Variants in PIKFYVE observed in about 807,000 individuals in gnomAD.
PIKFYVE encodes phosphoinositide kinase, FYVE-type zinc finger containing, also known as 1-phosphatidylinositol 3-phosphate 5-kinase.
PIKFYVE carries 122 observed loss-of-function variants against 257.9 expected under a neutral mutation model. The observed-to-expected ratio is 0.47, with a 90% CI of 0.41 to 0.55. The LOEUF (loss-of-function observed/expected upper bound fraction) is 0.55. Among genes scored for constraint, PIKFYVE ranks in the 20% least tolerant of loss-of-function variants. The pLI, the probability that PIKFYVE is intolerant of heterozygous loss-of-function variation, is 0.00. For synonymous variants in PIKFYVE, 892 were observed against 868.9 expected, an observed-to-expected ratio of 1.03 and a Z score of -0.47; for missense variants, 2,160 against 2,536.6, an observed-to-expected ratio of 0.85 and a Z score of 3.19.
intron 23 of PIKFYVE, among the ~76,000 whole-genome samples, chr2:208,331,711 C>A (rs918806581): frequency 6.6e-6 from 1 of 152,100 alleles, no homozygotes; most frequent in African/African-American, 2.4e-5. Flanking sequence ...TTTTGGAAGG[C>A]ACATATGGGA....
At position 208,355,424 on chromosome 2, in the gene PIKFYVE, A is replaced by T. The variant is rs1297372856; in HGVS notation, c.*119A>T. ...TCACCACTGTATGCCAAGGCTTTTCAGTTCTGTGGCTGTTTAGACTGTCCG... is the reference window on the plus strand; with the variant it reads ...TCACCACTGTATGCCAAGGCTTTTCTGTTCTGTGGCTGTTTAGACTGTCCG... On this transcript the variant is annotated 3_prime_UTR_variant, in exon 42 of 42. Coordinates refer to ENST00000264380, the MANE Select transcript of PIKFYVE (RefSeq NM_015040.4). 2 of 816,144 alleles carry T rather than the reference A, an allele frequency of 2.5e-6. No homozygotes were observed. Among genetic ancestry groups the T allele is most frequent in the Admixed American group, 4.4e-5 (2 of 45,130 alleles). 50.6% of individuals were successfully genotyped at this position (816,144 alleles called of 1,614,324 possible). A position where few individuals can be genotyped will look rare whatever the true frequency, so the allele number is the denominator to read the frequency against.
In PIKFYVE at chr2:208,355,423, C is replaced by G; in HGVS notation, c.*118C>G. Reference sequence around the variant, plus strand: ...TTCACCACTGTATGCCAAGGCTTTTCAGTTCTGTGGCTGTTTAGACTGTCC... The same window carrying G: ...TTCACCACTGTATGCCAAGGCTTTTGAGTTCTGTGGCTGTTTAGACTGTCC... On this transcript the variant is annotated 3_prime_UTR_variant, in exon 42 of 42. Coordinates refer to ENST00000264380, the MANE Select transcript of PIKFYVE (RefSeq NM_015040.4). The G allele has an allele frequency of 1.2e-6, 1 of 820,028 alleles. No individual in the cohort carries two copies. The highest frequency in any genetic ancestry group is 1.6e-5 in the South Asian group (1 of 62,702). The allele number at this position is 820,028 out of a possible 1,614,324, so 50.8% of individuals were successfully genotyped here.
At chr2:208,332,152 A>G (rs1011236513) in intron 23 of PIKFYVE, among the ~76,000 whole-genome samples, 2 of 152,232 alleles carry the variant, frequency 1.3e-5, no homozygotes, top group African/African-American at 4.8e-5. Flanking sequence ...GATAATAGAA[A>G]AATGGGCAGA....
chr2:208,334,280 C>T (rs1028318060), intron 24 of PIKFYVE: 1 of 152,550 alleles, frequency 6.6e-6, no homozygotes, highest in African/African-American at 2.4e-5. Flanking sequence ...ACACAGCAGT[C>T]AGAGTGGTTC....
chr2:208,326,480 G>A, intron 20 of PIKFYVE, 51 bp downstream of exon 20: 1 of 1,577,004 alleles, frequency 6.3e-7, no homozygotes, highest in Non-Finnish European at 8.7e-7. Context: ...TGTGTTGAAT[G>A]ACTCCTCAAA....
rs372904804 is a variant in PIKFYVE at position 208,299,130 on chromosome 2, C to T, written c.1050+351C>T. ...CTGGGATTACAGGTGTGAGCCACTGCACCCAGCCTGTCACTGAGTCTTTTT... is the reference window on the plus strand; with the variant it reads ...CTGGGATTACAGGTGTGAGCCACTGTACCCAGCCTGTCACTGAGTCTTTTT... On this transcript the variant is annotated intron_variant, in intron 8 of 41. Transcript: ENST00000264380. Among the ~76,000 whole-genome samples, 5 of 152,218 alleles carry T rather than the reference C, an allele frequency of 3.3e-5. No individual in the cohort carries two copies. The South Asian group carries it at 1.0e-3, about 32-fold the overall frequency.
intron 7 of PIKFYVE, among the ~76,000 whole-genome samples, chr2:208,298,435 G>C (rs1002209370): frequency 7.9e-6 from 1 of 127,116 alleles, no homozygotes; most frequent in Non-Finnish European, 1.8e-5. Flanking sequence ...ACTTACATAG[G>C]GTTGCAAATA....
chr2:208,323,002 A>C (rs1696460432), intron 17 of PIKFYVE, among the ~76,000 whole-genome samples: 1 of 151,428 alleles, frequency 6.6e-6, no homozygotes, highest in South Asian at 2.1e-4. Context: ...AGCTTCATCC[A>C]TGTCCCTACA....
intron 36 of PIKFYVE, 124 bp from the exon 37 acceptor site, chr2:208,350,647 G>A: frequency 9.9e-7 from 1 of 1,005,228 alleles, no homozygotes; most frequent in Non-Finnish European, 1.5e-6. Flanking sequence ...GATCTAACAT[G>A]CAAAATGCCA....
intron 33 of PIKFYVE, among the ~76,000 whole-genome samples, 177 bp from the exon 34 acceptor site, chr2:208,345,873 C>CT (rs1443221599): frequency 2.6e-5 from 4 of 151,862 alleles, no homozygotes; most frequent in Non-Finnish European, 5.9e-5. Context: ...ATATTTCAGA[C>CT]TTTTTTTTCT....
chr2:208,312,588 C>G (rs759894691), intron 13 of PIKFYVE, among the ~76,000 whole-genome samples: 2 of 152,132 alleles, frequency 1.3e-5, no homozygotes, highest in Non-Finnish European at 2.9e-5. Flanking sequence ...TTACACTTAA[C>G]TGTATTGTGA....
chr2:208,303,285 G>A (rs1413126177), intron 10 of PIKFYVE, among the ~76,000 whole-genome samples: 2 of 149,340 alleles, frequency 1.3e-5, no homozygotes, highest in African/African-American at 2.5e-5. Flanking sequence ...ACACACACAG[G>A]CACACACACA....
intron 17 of PIKFYVE, among the ~76,000 whole-genome samples, chr2:208,322,818 G>A (rs1234260877): frequency 6.7e-6 from 1 of 149,920 alleles, no homozygotes; most frequent in Non-Finnish European, 1.5e-5. Context: ...TTTACATTAG[G>A]TATATCTCCT....
chr2:208,276,143 C>T (rs1317370562), intron 3 of PIKFYVE, among the ~76,000 whole-genome samples: 2 of 152,078 alleles, frequency 1.3e-5, no homozygotes, highest in Non-Finnish European at 2.9e-5. Flanking sequence ...CAGGTTTTAC[C>T]ATGGCAAAAT....
intron 12 of PIKFYVE, among the ~76,000 whole-genome samples, chr2:208,310,726 T>C (rs997854917): frequency 5.3e-4 from 80 of 152,164 alleles, no homozygotes; most frequent in Middle Eastern, 3.4e-3. Context: ...TAAATTCATG[T>C]TATGAAAAGA....
rs80336306 is a variant in PIKFYVE, at chr2:208,291,924, C to T, written c.911+3106C>T. On this transcript the variant is annotated intron_variant, in intron 7 of 41. Transcript: ENST00000264380. ...TTTAGATCTTCTTTTTAAATGTATG[C>T]GCTTCGTGCTATGAATTTCCTGCTA... 1.7e-4 allele frequency among the ~76,000 whole-genome samples: 26 copies of T among 152,148 alleles called. No homozygotes were observed. In the East Asian group the frequency reaches 3.3e-3, roughly 19 times the overall value.
chr2:208,294,507 A>G (rs1369456418), intron 7 of PIKFYVE, among the ~76,000 whole-genome samples: 1 of 152,148 alleles, frequency 6.6e-6, no homozygotes, highest in Non-Finnish European at 1.5e-5. Flanking sequence ...GGGTAAAAGG[A>G]ACTATGGTAA....
At chr2:208,339,688 T>TA in intron 30 of PIKFYVE, 133 bp downstream of exon 30, 1 of 1,240,556 alleles carries the variant, frequency 8.1e-7, no homozygotes, top group South Asian at 1.3e-5. Context: ...TGCCTTGCTT[T>TA]CTGTTTAGGT....
rs373802805 is a variant in PIKFYVE at position 208,271,583 on chromosome 2, A to G, written c.64A>G (p.Thr22Ala). The G allele has an allele frequency of 4.3e-6, 7 of 1,614,050 alleles. No homozygotes were observed. The highest frequency in any genetic ancestry group is 4.5e-5 in the East Asian group (2 of 44,866). ...DSANDLPRSP[T>A]SPSHLTHFKP... ...TGCTAATGATTTGCCTCGATCTCCT[A>G]CTAGTCCTTCTCATCTCACACACTT... Residue 22 changes from threonine to alanine, a missense_variant, in exon 2 of 42, where the codon ACT becomes GCT. Thr to Ala is a moderately conservative substitution (Grantham distance 58). This residue lies in a region of PIKFYVE where 172 missense variants were observed against 180.6 expected (regional missense o/e 0.95). Coordinates refer to ENST00000264380, the MANE Select transcript of PIKFYVE (RefSeq NM_015040.4).
Sources: allele counts gnomAD v4.1 joint callset (sites outside exome capture counted in the v4.1 genomes callset), GRCh38; gene constraint gnomAD v4.1.1; regional missense constraint gnomAD v4.1.1; transcripts MANE v1.5; gene names NCBI Gene and HGNC (gene_info 2026-07-23, HGNC 2026-07-21).